KIT: variants seen among roughly 807,000 people sequenced by gnomAD.
The protein encoded by KIT is KIT proto-oncogene, receptor tyrosine kinase.
A neutral mutation model predicts 105.7 loss-of-function variants in KIT; 16 were observed. That is an observed-to-expected ratio of 0.15 (90% CI 0.10 to 0.23). KIT has a LOEUF of 0.23. KIT is among the 10% of genes least tolerant of loss of function. The pLI is 1.00. For synonymous variants in KIT, 438 were observed against 441.1 expected, an observed-to-expected ratio of 0.99 and a Z score of 0.09; for missense variants, 858 against 1,213.8, an observed-to-expected ratio of 0.71 and a Z score of 4.36.
At position 54,707,284 on chromosome 4, in the gene KIT, T is replaced by G; in HGVS notation, c.1112T>G (p.Ile371Ser). 6.2e-7 allele frequency: 1 copy of G among 1,605,810 alleles called. No homozygotes were observed. The highest frequency in any genetic ancestry group is 8.5e-7 in the Non-Finnish European group (1 of 1,172,548). ...DYPKSENESN[I>S]RYVSELHLTR... The stretch of plus-strand genomic sequence containing the variant: ...CCCAAGTCTGAGAATGAAAGTAATA[T>G]CAGGTAAGAAATGGACCTTGCCCTG... Residue 371 changes from isoleucine to serine, a missense_variant, in exon 6 of 21, where the codon ATC becomes AGC. Coordinates refer to ENST00000288135, the MANE Select transcript of KIT (RefSeq NM_000222.3).
intron 1 of KIT, among the ~76,000 whole-genome samples, chr4:54,676,208 G>C (rs916347474): frequency 6.6e-6 from 1 of 152,172 alleles, no homozygotes; most frequent in African/African-American, 2.4e-5. Flanking sequence ...AGGATCACCT[G>C]GGACTTGTTA....
At chr4:54,720,600 T>TA (rs1259800571) in intron 7 of KIT, among the ~76,000 whole-genome samples, 2 of 152,188 alleles carry the variant, frequency 1.3e-5, no homozygotes, top group Non-Finnish European at 2.9e-5. Context: ...AAGAATAAAA[T>TA]AGAAACTTTT....
At chr4:54,704,199 T>C (rs542600116) in intron 5 of KIT, among the ~76,000 whole-genome samples, 1 of 152,332 alleles carries the variant, frequency 6.6e-6, no homozygotes, top group South Asian at 2.1e-4. Context: ...TAGTGCTCGC[T>C]GAATGACTTG....
rs1267843825 is a variant in KIT, at chr4:54,739,467, G to A, written c.*910G>A. 5 of 233,300 alleles carry A rather than the reference G, an allele frequency of 2.1e-5. No individual in the cohort carries two copies. The highest frequency in any genetic ancestry group is 4.2e-5 in the Non-Finnish European group (5 of 117,876). 14.5% of individuals were successfully genotyped at this position (233,300 alleles called of 1,614,324 possible). ...TTATTCTGTAGATTCTGTGGAACAA[G>A]CCTATCAGCTTCAGAATGGCATTGT... On this transcript the variant is annotated 3_prime_UTR_variant, in exon 21 of 21. Transcript: ENST00000288135.
chr4:54,671,224 A>T (rs751864843), intron 1 of KIT, among the ~76,000 whole-genome samples: 6 of 152,150 alleles, frequency 3.9e-5, no homozygotes, highest in Admixed American at 6.5e-5. Context: ...AACTGACACC[A>T]TTGCATTCCT....
At chr4:54,680,385 CTT>C (rs756268006) in intron 1 of KIT, among the ~76,000 whole-genome samples, 26 of 102,634 alleles carry the variant, frequency 2.5e-4, no homozygotes, top group Admixed American at 4.0e-4. Context: ...TTCATTCGTC[CTT>C]TTTTTTTTTT....
chr4:54,668,995 A>G (rs1207674674), intron 1 of KIT, among the ~76,000 whole-genome samples: 3 of 152,214 alleles, frequency 2.0e-5, no homozygotes, highest in Non-Finnish European at 2.9e-5. Flanking sequence ...TATTTGGCTG[A>G]TAAAACACCA....
chr4:54,687,976 CTT>C (rs778289717), intron 1 of KIT, among the ~76,000 whole-genome samples: 1 of 152,166 alleles, frequency 6.6e-6, no homozygotes. Flanking sequence ...AAAGGTAAGA[CTT>C]TAATGACGAC....
intron 7 of KIT, 78 bp from the exon 8 acceptor site, chr4:54,723,506 G>A (rs147114050): frequency 7.1e-5 from 65 of 910,632 alleles, no homozygotes; most frequent in Non-Finnish European, 1.1e-4. Context: ...AAGGTTGTAG[G>A]GATTAGAGAG....
rs1007621092 is a variant in KIT at position 54,723,893 on chromosome 4, A to G, written c.1346+195A>G. Among the ~76,000 whole-genome samples the G allele has an allele frequency of 2.0e-5, 3 of 152,160 alleles. No individual in the cohort carries two copies. In the East Asian group the frequency reaches 5.8e-4, roughly 29 times the overall value. ...AGACATTAATTTTGTTTGCTGAAAA[A>G]TCATTACTGAATGACTTCTCTATTT... On this transcript the variant is annotated intron_variant, in intron 8 of 20. Coordinates refer to ENST00000288135, the MANE Select transcript of KIT (RefSeq NM_000222.3).
rs1717396717 is a variant in KIT at position 54,662,977 on chromosome 4, T to C, written c.67+4896T>C. Among the ~76,000 whole-genome samples the C allele has an allele frequency of 1.3e-5, 2 of 150,776 alleles. 1 individual carries two copies. The highest frequency in any genetic ancestry group is 4.1e-4 in the South Asian group (2 of 4,820). ...TAGAGATTGAATAGATCTTGAACTTTTTTTTTCTCCAGGGGGGAAAAAAAA... is the reference window on the plus strand; with the variant it reads ...TAGAGATTGAATAGATCTTGAACTTCTTTTTTCTCCAGGGGGGAAAAAAAA... On this transcript the variant is annotated intron_variant, in intron 1 of 20. Transcript: ENST00000288135.
Position 54,728,002 on chromosome 4 carries a change from CA to C in KIT, c.1880-7del. 1 of 1,613,294 alleles carries C rather than the reference CA, an allele frequency of 6.2e-7. No individual in the cohort carries two copies. Among genetic ancestry groups the C allele is most frequent in the South Asian group, 1.1e-5 (1 of 91,064 alleles). On this transcript the variant is annotated splice_polypyrimidine_tract_variant and splice_region_variant and intron_variant, in intron 12 of 20. Coordinates refer to ENST00000288135, the MANE Select transcript of KIT (RefSeq NM_000222.3). Reference sequence around the variant, plus strand: ...TGCTTTTTGCTAAAATGCATGTTTCCAATTTTAGCGAGTGCCCATTTGACAG... The same window carrying C: ...TGCTTTTTGCTAAAATGCATGTTTCCATTTTAGCGAGTGCCCATTTGACAG...
chr4:54,698,084 A>G (rs1275358822), intron 2 of KIT, among the ~76,000 whole-genome samples, 200 bp from the exon 3 acceptor site: 1 of 152,230 alleles, frequency 6.6e-6, no homozygotes, highest in East Asian at 1.9e-4. Flanking sequence ...GTCCAAGCTT[A>G]GTGCGTGATA....
intron 1 of KIT, among the ~76,000 whole-genome samples, chr4:54,680,584 G>T (rs1471922225): frequency 1.3e-5 from 2 of 151,850 alleles, no homozygotes; most frequent in African/African-American, 4.8e-5. Context: ...GTAGAGATGA[G>T]GTTTCACGGT....
Position 54,739,065 on chromosome 4 carries a change from G to C in KIT, c.*508G>C, listed in dbSNP as rs1231020444. On this transcript the variant is annotated 3_prime_UTR_variant, in exon 21 of 21. Transcript: ENST00000288135. ...TTAAGAAATCTAGTATTTCATGCTG[G>C]GAATGAGACATAGGCCATGAAAAAA... The C allele has an allele frequency of 1.2e-5, 5 of 421,634 alleles. No individual in the cohort carries two copies. Among genetic ancestry groups the C allele is most frequent in the Non-Finnish European group, 2.1e-5 (5 of 239,518 alleles). The allele number at this position is 421,634 out of a possible 1,614,324, so 26.1% of individuals were successfully genotyped here. A position where few individuals can be genotyped will look rare whatever the true frequency, so the allele number is the denominator to read the frequency against.
At chr4:54,679,858 A>G (rs981319076) in intron 1 of KIT, among the ~76,000 whole-genome samples, 2 of 152,222 alleles carry the variant, frequency 1.3e-5, no homozygotes, top group Non-Finnish European at 2.9e-5. Context: ...TTTACAAATG[A>G]TACAACATAG....
chr4:54,705,683 A>C (rs1430711525), intron 5 of KIT, among the ~76,000 whole-genome samples: 1 of 151,926 alleles, frequency 6.6e-6, no homozygotes. Flanking sequence ...AGGAGTTTGA[A>C]ACCAGCCTGA....
chr4:54,693,999 C>T (rs749424610), intron 1 of KIT, among the ~76,000 whole-genome samples: 9 of 152,180 alleles, frequency 5.9e-5, no homozygotes, highest in Non-Finnish European at 1.3e-4. Flanking sequence ...CTAGTTGATT[C>T]TCTGGGATCT....
intron 7 of KIT, among the ~76,000 whole-genome samples, chr4:54,717,748 G>A (rs1004941558): frequency 4.6e-5 from 7 of 151,938 alleles, no homozygotes; most frequent in Admixed American, 3.3e-4. Flanking sequence ...TGTTTCCATG[G>A]GCATTCTGTC....
Sources: allele counts gnomAD v4.1 joint callset (sites outside exome capture counted in the v4.1 genomes callset), GRCh38; gene constraint gnomAD v4.1.1; transcripts MANE v1.5; gene names NCBI Gene and HGNC (gene_info 2026-07-23, HGNC 2026-07-21).